The following CADM2 variants were observed in gnomAD, a reference collection of about 807,000 sequenced individuals.
CADM2 encodes cell adhesion molecule 2.
Under a neutral mutation model 49.8 loss-of-function variants are expected in CADM2, and 12 were observed. That is an observed-to-expected ratio of 0.24 (90% CI 0.15 to 0.39). The LOEUF (loss-of-function observed/expected upper bound fraction) is 0.39, where lower values mean the gene tolerates loss of function less well. Ranked by LOEUF, CADM2 falls within the 10% of genes least tolerant of loss-of-function variation. CADM2 has a pLI of 1.00. For missense variants in CADM2, 378 were observed against 492.3 expected (o/e 0.77, Z 2.20); for synonymous variants, 214 against 175.4 (o/e 1.22, Z -1.74).
intron 1 of CADM2, among the ~76,000 whole-genome samples, chr3:85,389,892 G>C (rs2034436069): frequency 6.6e-6 from 1 of 151,934 alleles, no homozygotes; most frequent in South Asian, 2.1e-4. Flanking sequence ...CCTATTTAAT[G>C]ATTTTCTGAA....
chr3:85,876,870 A>G (rs555059916), intron 3 of CADM2, among the ~76,000 whole-genome samples: 49 of 152,154 alleles, frequency 3.2e-4, no homozygotes, highest in Non-Finnish European at 5.3e-4. Flanking sequence ...TTTGTTAGAA[A>G]TGGGCATAAA....
intron 1 of CADM2, among the ~76,000 whole-genome samples, chr3:85,287,119 T>C (rs1187722260): frequency 6.6e-6 from 1 of 152,120 alleles, no homozygotes; most frequent in East Asian, 1.9e-4. Context: ...ATCCTACTTT[T>C]AATTGAATTG....
intron 1 of CADM2, 88 bp from the exon 2 acceptor site, chr3:85,726,434 G>C: frequency 7.3e-7 from 1 of 1,373,568 alleles, no homozygotes; most frequent in Middle Eastern, 1.8e-4. Context: ...GACTTTAATA[G>C]CAATAACATC....
intron 1 of CADM2, among the ~76,000 whole-genome samples, chr3:85,062,438 C>T (rs1407640558): frequency 6.6e-6 from 1 of 151,840 alleles, no homozygotes; most frequent in African/African-American, 2.4e-5. Context: ...ATTATTTTTG[C>T]ATATATTTTC....
chr3:85,404,609 G>T (rs74620020), intron 1 of CADM2, among the ~76,000 whole-genome samples: 1 of 151,984 alleles, frequency 6.6e-6, no homozygotes, highest in Non-Finnish European at 1.5e-5. Context: ...CAATCCTAAC[G>T]GAAGGTAATC....
intron 8 of CADM2, among the ~76,000 whole-genome samples, chr3:86,036,386 A>G (rs1221770492): frequency 6.6e-6 from 1 of 152,088 alleles, no homozygotes; most frequent in Non-Finnish European, 1.5e-5. Context: ...GTTGTGTCCT[A>G]GGCATCTTCC....
chr3:85,298,720 ATT>A (rs1294531535), intron 1 of CADM2, among the ~76,000 whole-genome samples: 1 of 152,116 alleles, frequency 6.6e-6, no homozygotes, highest in Non-Finnish European at 1.5e-5. Context: ...ATAAGACAAA[ATT>A]TATGTAAAAA....
chr3:85,847,849 G>GAT (rs1181998232), intron 3 of CADM2, among the ~76,000 whole-genome samples: 7 of 152,228 alleles, frequency 4.6e-5, no homozygotes, highest in Admixed American at 3.3e-4. Flanking sequence ...GCTACTCAGA[G>GAT]ATATAAATAT....
intron 1 of CADM2, among the ~76,000 whole-genome samples, chr3:85,291,450 A>T (rs2106935847): frequency 6.7e-6 from 1 of 149,262 alleles, no homozygotes; most frequent in East Asian, 1.9e-4. Flanking sequence ...CCACAAAGAT[A>T]CTCCTCGAGA....
At chr3:85,964,204 T>C (rs1230231020) in intron 8 of CADM2, among the ~76,000 whole-genome samples, 1 of 151,882 alleles carries the variant, frequency 6.6e-6, no homozygotes, top group Admixed American at 6.6e-5. Context: ...ATTTTTGGAA[T>C]GGAGTGATAA....
intron 1 of CADM2, among the ~76,000 whole-genome samples, chr3:85,057,145 T>A (rs2036111183): frequency 6.6e-6 from 1 of 152,138 alleles, no homozygotes; most frequent in African/African-American, 2.4e-5. Flanking sequence ...GTCAACAACT[T>A]ATATGTGAGT....
intron 1 of CADM2, among the ~76,000 whole-genome samples, chr3:85,108,932 G>A (rs1271629709): frequency 2.0e-5 from 3 of 152,120 alleles, no homozygotes; most frequent in Non-Finnish European, 4.4e-5. Flanking sequence ...GACATAACTA[G>A]GTAGTTAACT....
intron 1 of CADM2, among the ~76,000 whole-genome samples, chr3:85,204,737 A>T (rs1334842464): frequency 6.6e-6 from 1 of 152,194 alleles, no homozygotes; most frequent in Non-Finnish European, 1.5e-5. Flanking sequence ...AGCTTTGATT[A>T]AATATAAACA....
intron 1 of CADM2, among the ~76,000 whole-genome samples, chr3:85,246,442 TAATAAATA>T (rs889126182): frequency 2.0e-5 from 3 of 151,966 alleles, no homozygotes; most frequent in African/African-American, 7.2e-5. Context: ...ACTTAAAGTA[TAATAAATA>T]AATAAATAAA....
At chr3:85,400,004 C>G (rs1014237935) in intron 1 of CADM2, among the ~76,000 whole-genome samples, 2 of 152,138 alleles carry the variant, frequency 1.3e-5, no homozygotes, top group South Asian at 2.1e-4. Context: ...GAGTGGTGAG[C>G]GAGGGCATCC....
intron 1 of CADM2, among the ~76,000 whole-genome samples, chr3:84,964,474 G>A (rs1380743463): frequency 2.0e-5 from 3 of 152,170 alleles, no homozygotes; most frequent in South Asian, 2.1e-4. Flanking sequence ...TTGCTGACAA[G>A]TGCTCTATGA....
chr3:85,679,942 A>G (rs2065993286), intron 1 of CADM2, among the ~76,000 whole-genome samples: 1 of 152,194 alleles, frequency 6.6e-6, no homozygotes, highest in African/African-American at 2.4e-5. Context: ...CAGATGATTT[A>G]TAACACACTG....
chr3:85,926,907 A>T (rs1719952079), intron 6 of CADM2, among the ~76,000 whole-genome samples: 1 of 152,166 alleles, frequency 6.6e-6, no homozygotes, highest in Admixed American at 6.5e-5. Flanking sequence ...TATGAAAAAC[A>T]TCAATTGCTA....
At chr3:85,337,330 AT>A (rs1028430063) in intron 1 of CADM2, among the ~76,000 whole-genome samples, 1 of 151,240 alleles carries the variant, frequency 6.6e-6, no homozygotes, top group African/African-American at 2.4e-5. Flanking sequence ...AAGAAAGACA[AT>A]TTATACTTTC....
Sources: gnomAD v4.1 joint callset for allele counts (sites outside exome capture counted in the v4.1 genomes callset) on GRCh38, gnomAD v4.1.1 for gene constraint, MANE v1.5 for transcripts, NCBI Gene and HGNC (gene_info 2026-07-23, HGNC 2026-07-21) for gene names.